DGKI: variants seen among roughly 807,000 people sequenced by gnomAD.
The protein encoded by DGKI is DAG kinase iota.
A neutral mutation model predicts 147.5 loss-of-function variants in DGKI; 55 were observed. That is an observed-to-expected ratio of 0.37 (90% CI 0.30 to 0.47). The LOEUF (loss-of-function observed/expected upper bound fraction) is 0.47, where lower values mean the gene tolerates loss of function less well. Among genes scored for constraint, DGKI ranks in the 20% least tolerant of loss-of-function variants. The pLI, the probability that DGKI is intolerant of heterozygous loss-of-function variation, is 1.00. For synonymous variants in DGKI, 469 were observed against 477.1 expected, an observed-to-expected ratio of 0.98 and a Z score of 0.22; for missense variants, 1,007 against 1,323.8, an observed-to-expected ratio of 0.76 and a Z score of 3.71.
intron 1 of DGKI, among the ~76,000 whole-genome samples, chr7:137,755,368 A>G (rs1053565648): frequency 6.6e-6 from 1 of 152,112 alleles, no homozygotes; most frequent in African/African-American, 2.4e-5. Flanking sequence ...ATCCAAGCCT[A>G]TTTTTTCACA....
intron 3 of DGKI, among the ~76,000 whole-genome samples, chr7:137,678,297 C>T (rs1823106897): frequency 6.6e-6 from 1 of 152,156 alleles, no homozygotes; most frequent in Admixed American, 6.5e-5. Flanking sequence ...CACACAACAA[C>T]CTACCCTGGG....
chr7:137,467,924 C>T (rs749450579), intron 24 of DGKI, among the ~76,000 whole-genome samples: 3 of 149,886 alleles, frequency 2.0e-5, no homozygotes, highest in East Asian at 2.0e-4. Flanking sequence ...TTCAAGGCTG[C>T]GGTGAACCAT....
intron 31 of DGKI, among the ~76,000 whole-genome samples, chr7:137,396,128 C>T (rs1394646561): frequency 2.6e-5 from 4 of 152,236 alleles, no homozygotes; most frequent in South Asian, 2.1e-4. Flanking sequence ...AGGCACAGCA[C>T]GCAGCCCTTG....
rs940159306 is a variant in DGKI, at chr7:137,402,930, A to G, written c.2920+4945T>C. 2.6e-5 allele frequency among the ~76,000 whole-genome samples: 4 copies of G among 152,336 alleles called. 1 individual carries two copies. Reference sequence around the variant, plus strand: ...ACAAAATAACCCATTGAAATCAAAAAGGAAATGCATGAGTGAGATTTCTAT... The same window carrying G: ...ACAAAATAACCCATTGAAATCAAAAGGGAAATGCATGAGTGAGATTTCTAT... On this transcript the variant is annotated intron_variant, in intron 30 of 32. Transcript: ENST00000614521.
chr7:137,452,010 GGATA>G (rs1813987246), intron 27 of DGKI, among the ~76,000 whole-genome samples: 1 of 152,080 alleles, frequency 6.6e-6, no homozygotes, highest in Non-Finnish European at 1.5e-5. Context: ...AAAGAACAGA[GGATA>G]GATTAGATAA....
At chr7:137,769,833 G>A (rs901412715) in intron 1 of DGKI, among the ~76,000 whole-genome samples, 2 of 152,226 alleles carry the variant, frequency 1.3e-5, no homozygotes, top group Non-Finnish European at 2.9e-5. Context: ...ATAGATGCTG[G>A]CAAGGCTGTG....
intron 27 of DGKI, among the ~76,000 whole-genome samples, chr7:137,462,166 T>G (rs1239192445): frequency 1.3e-5 from 2 of 152,118 alleles, no homozygotes; most frequent in Non-Finnish European, 2.9e-5. Context: ...CAAATACTGG[T>G]TTGTCCAGGC....
At chr7:137,425,034 C>A (rs1812735232) in intron 28 of DGKI, among the ~76,000 whole-genome samples, 1 of 266 alleles carries the variant, frequency 3.8e-3, no homozygotes. Context: ...TTGAAGAGAG[C>A]AGTGGTTCTC....
At chr7:137,489,773 A>G (rs939721448) in intron 21 of DGKI, among the ~76,000 whole-genome samples, 3 of 152,216 alleles carry the variant, frequency 2.0e-5, no homozygotes, top group Non-Finnish European at 4.4e-5. Context: ...ATAGATTTTA[A>G]TCAATGTTTA....
intron 1 of DGKI, among the ~76,000 whole-genome samples, chr7:137,710,952 G>T (rs1261499858): frequency 6.6e-6 from 1 of 152,088 alleles, no homozygotes; most frequent in African/African-American, 2.4e-5. Flanking sequence ...TTTACAAAAG[G>T]AGAAACCAAA....
At chr7:137,504,252 A>T (rs895013965) in intron 21 of DGKI, among the ~76,000 whole-genome samples, 7 of 152,192 alleles carry the variant, frequency 4.6e-5, no homozygotes, top group South Asian at 2.1e-4. Context: ...GCATTTTTTT[A>T]AAAAGATTTA....
At chr7:137,396,659 C>T (rs1317310089) in intron 31 of DGKI, among the ~76,000 whole-genome samples, 1 of 152,174 alleles carries the variant, frequency 6.6e-6, no homozygotes, top group Non-Finnish European at 1.5e-5. Flanking sequence ...CTCCTCCTTC[C>T]CACATGCTTA....
At chr7:137,659,816 C>T (rs1396680107) in intron 3 of DGKI, among the ~76,000 whole-genome samples, 2 of 152,104 alleles carry the variant, frequency 1.3e-5, no homozygotes, top group African/African-American at 4.8e-5. Context: ...ACCTGTAGTC[C>T]CAGCTACTCA....
chr7:137,700,277 GA>G (rs1188184274), intron 1 of DGKI, among the ~76,000 whole-genome samples: 1 of 152,106 alleles, frequency 6.6e-6, no homozygotes, highest in African/African-American at 2.4e-5. Context: ...TAGAGCTGGG[GA>G]ACACAGCATT....
intron 2 of DGKI, 86 bp downstream of exon 2, chr7:137,689,808 T>A (rs1823542186): frequency 2.2e-6 from 2 of 926,596 alleles, no homozygotes; most frequent in South Asian, 2.2e-5. Context: ...ATTAAGCAAG[T>A]CTTCCTTGTA....
rs1393677768 is a variant in DGKI at position 137,638,650 on chromosome 7, A to ATG, written c.804+6821_804+6822insCA. 1.9e-4 allele frequency among the ~76,000 whole-genome samples: 2 copies of ATG among 10,638 alleles called. 1 individual carries two copies. Among genetic ancestry groups the ATG allele is most frequent in the African/African-American group, 1.8e-3 (2 of 1,112 alleles). 7.0% of individuals were successfully genotyped at this position (10,638 alleles called of 152,430 possible). On this transcript the variant is annotated intron_variant, in intron 6 of 32. Coordinates refer to ENST00000614521, the MANE Select transcript of DGKI (RefSeq NM_001321708.2). ...TATATGTGTGTATATATGTGTATGT[A>ATG]TATACACACATATGTATATATACAC... is the stretch of plus-strand genomic sequence containing the variant.
chr7:137,846,584 C>A lies in DGKI; in HGVS notation c.279G>T (p.Gly93=). ...CAGCGGCCCCCGCCGCCGCGGCTGA[C>A]CCTGCGCCCCGCGGGTCCGCGCCGC... ...AEGGADPRGA[G]SAAAAGAAAL... is the part of the protein sequence containing the mutation. Residue 93 remains glycine (G), a synonymous_variant, in exon 1 of 33, where the codon GGG becomes GGT. Transcript: ENST00000614521. This position sits in a 1 kb window ranked among gnomAD's most constrained non-coding sequence, Gnocchi z 4.0. 3 of 1,221,540 alleles carry A rather than the reference C, an allele frequency of 2.5e-6. No homozygotes were observed. Among genetic ancestry groups the A allele is most frequent in the South Asian group, 2.4e-5 (1 of 42,062 alleles). The allele number at this position is 1,221,540 out of a possible 1,614,324, so 75.7% of individuals were successfully genotyped here.
At chr7:137,774,284 C>G (rs921328960) in intron 1 of DGKI, among the ~76,000 whole-genome samples, 1 of 151,898 alleles carries the variant, frequency 6.6e-6, no homozygotes, top group Non-Finnish European at 1.5e-5. Flanking sequence ...ATGTTAGCTC[C>G]TATTTTCCCA....
At chr7:137,812,115 C>T (rs1054249282) in intron 1 of DGKI, among the ~76,000 whole-genome samples, 3 of 152,174 alleles carry the variant, frequency 2.0e-5, no homozygotes, top group African/African-American at 7.2e-5. Flanking sequence ...CCTTCACTTT[C>T]CATTCCCTCG....
Sources: allele counts gnomAD v4.1 joint callset (sites outside exome capture counted in the v4.1 genomes callset), GRCh38; gene constraint gnomAD v4.1.1; non-coding constraint Gnocchi (gnomAD v3.1); transcripts MANE v1.5; gene names NCBI Gene and HGNC (gene_info 2026-07-23, HGNC 2026-07-21).